MTIF3: variants seen among roughly 807,000 people sequenced by gnomAD.
MTIF3 encodes mitochondrial translational initiation factor 3, also known as translation initiation factor IF-3, mitochondrial.
Under a neutral mutation model 20.7 loss-of-function variants are expected in MTIF3, and 13 were observed. That is an observed-to-expected ratio of 0.63 (90% CI 0.41 to 1.00). MTIF3 has a LOEUF of 1.00. MTIF3 is among the 50% of genes least tolerant of loss of function. MTIF3 has a pLI of 0.00. For synonymous variants in MTIF3, 114 were observed against 112.5 expected (o/e 1.01, Z -0.08); for missense variants, 295 against 324.5 (o/e 0.91, Z 0.70).
At chr13:27,438,357 G>T (rs1242413969) in intron 3 of MTIF3, among the ~76,000 whole-genome samples, 3 of 151,138 alleles carry the variant, frequency 2.0e-5, no homozygotes, top group Non-Finnish European at 4.4e-5. Flanking sequence ...AGGCATGGTG[G>T]TGTGCACCTG....
In MTIF3 at chr13:27,437,222, T is replaced by A. The variant is rs374312833; in HGVS notation, c.512A>T (p.Asp171Val). The A allele has an allele frequency of 3.7e-6, 6 of 1,613,974 alleles. No homozygotes were observed. Among genetic ancestry groups the A allele is most frequent in the Non-Finnish European group, 5.1e-6 (6 of 1,180,028 alleles). Residue 171 changes from aspartate (D) to valine (V), a missense_variant, in exon 4 of 5, where the codon GAT becomes GTT. Coordinates refer to ENST00000381120, the MANE Select transcript of MTIF3 (RefSeq NM_152912.5). The stretch of plus-strand genomic sequence containing the variant: ...AATCTGTTTAGTCTTTGTGTCCAAA[T>A]CATGTTGTCCAATATTTGAAGACAA... ...LILSSNIGQH[D>V]LDTKTKQIQQ...
intron 1 of MTIF3, chr13:27,449,973 G>A (rs1291455720): frequency 6.6e-6 from 1 of 152,280 alleles, no homozygotes; most frequent in South Asian, 2.1e-4. Flanking sequence ...TCCCCCATAA[G>A]GCCTCCTCCC....
At chr13:27,436,810 G>A (rs907626823) in intron 4 of MTIF3, among the ~76,000 whole-genome samples, 12 of 134,450 alleles carry the variant, frequency 8.9e-5, no homozygotes, top group African/African-American at 1.7e-4. Context: ...GGAGTGCAGT[G>A]GCGCGATCTC....
chr13:27,442,500 C>G (rs920549148), intron 2 of MTIF3, among the ~76,000 whole-genome samples: 1 of 152,184 alleles, frequency 6.6e-6, no homozygotes, highest in Non-Finnish European at 1.5e-5. Context: ...TCCTCCTCTG[C>G]CCACACCCTC....
chr13:27,445,325 A>C (rs564771556), intron 1 of MTIF3, among the ~76,000 whole-genome samples, 169 bp from the exon 2 acceptor site: 1 of 152,116 alleles, frequency 6.6e-6, no homozygotes, highest in East Asian at 1.9e-4. Flanking sequence ...ACAAAAAATA[A>C]ATTAGCCAGG....
chr13:27,443,820 G>C (rs1185721582), intron 2 of MTIF3, among the ~76,000 whole-genome samples: 2 of 151,838 alleles, frequency 1.3e-5, no homozygotes, highest in Non-Finnish European at 2.9e-5. Context: ...GAAGACAAAA[G>C]CAATTCATTC....
rs1315569519 is a variant in MTIF3, at chr13:27,450,539, A to G, written c.-101T>C. ...CTGGGGCAAGCGATTGACATACTGT[A>G]GCGGACGCAAGTACAGCGGATCTGC... On this transcript the variant is annotated 5_prime_UTR_variant, in exon 1 of 5. Transcript: ENST00000381120. 1 of 151,916 alleles carries G rather than the reference A, an allele frequency of 6.6e-6. No individual in the cohort carries two copies. Among genetic ancestry groups the G allele is most frequent in the Non-Finnish European group, 1.5e-5 (1 of 68,092 alleles). 9.4% of individuals were successfully genotyped at this position (151,916 alleles called of 1,614,324 possible).
chr13:27,437,603 T>C (rs1336785600), intron 3 of MTIF3, among the ~76,000 whole-genome samples: 1 of 152,198 alleles, frequency 6.6e-6, no homozygotes, highest in African/African-American at 2.4e-5. Flanking sequence ...CAGCTGTGGG[T>C]TGGCATCTGG....
chr13:27,443,294 C>T (rs1378220682), intron 2 of MTIF3, among the ~76,000 whole-genome samples: 1 of 152,142 alleles, frequency 6.6e-6, no homozygotes, highest in Non-Finnish European at 1.5e-5. Flanking sequence ...AATAAAAAGT[C>T]AGATCTTTTG....
Position 27,440,185 on chromosome 13 carries a change from G to C in MTIF3, c.264C>G (p.His88Gln), listed in dbSNP as rs372000146. 6.2e-7 allele frequency: 1 copy of C among 1,614,056 alleles called. No individual in the cohort carries two copies. The highest frequency in any genetic ancestry group is 8.5e-7 in the Non-Finnish European group (1 of 1,180,038). ...VGRKISQRVI[H>Q]LFDEKGNDLG... ...AATCATTGCCCTTCTCATCAAATAAGTGAATAACTCGCTGACTAATTTTTC... is the reference window on the plus strand; with the variant it reads ...AATCATTGCCCTTCTCATCAAATAACTGAATAACTCGCTGACTAATTTTTC... Residue 88 changes from histidine (H) to glutamine (Q), a missense_variant, in exon 3 of 5, where the codon CAC becomes CAG. Transcript: ENST00000381120.
Position 27,435,647 on chromosome 13 carries a change from T to C in MTIF3, c.*28A>G. On this transcript the variant is annotated 3_prime_UTR_variant, in exon 5 of 5. Coordinates refer to ENST00000381120, the MANE Select transcript of MTIF3 (RefSeq NM_152912.5). Reference sequence around the variant, plus strand: ...ACTGCAGACCAAGGAGCGAGCTTTCTCTCAGAGCATGCTTTTCTTTATTAA... The same window carrying C: ...ACTGCAGACCAAGGAGCGAGCTTTCCCTCAGAGCATGCTTTTCTTTATTAA... 1 of 1,612,678 alleles carries C rather than the reference T, an allele frequency of 6.2e-7. No homozygotes were observed. Among genetic ancestry groups the C allele is most frequent in the Non-Finnish European group, 8.5e-7 (1 of 1,178,906 alleles).
rs532650746 is a variant in MTIF3, at chr13:27,443,065, C to T, written c.-2+2023G>A. On this transcript the variant is annotated intron_variant, in intron 2 of 4. Transcript: ENST00000381120. ...TGCTGGCATTTAACCTCTACACCTT[C>T]GGATGTGTCACGAATGCCTACAAAC... Among the ~76,000 whole-genome samples, 24 of 152,344 alleles carry T rather than the reference C, an allele frequency of 1.6e-4. No individual in the cohort carries two copies. The South Asian group carries it at 3.9e-3, about 25-fold the overall frequency.
At chr13:27,442,872 A>T (rs954291250) in intron 2 of MTIF3, among the ~76,000 whole-genome samples, 27 of 152,204 alleles carry the variant, frequency 1.8e-4, no homozygotes, top group Admixed American at 9.8e-4. Context: ...ATTTGCATAT[A>T]TGTTCATAAT....
chr13:27,445,527 T>C (rs1436918505), intron 1 of MTIF3, among the ~76,000 whole-genome samples: 4 of 151,624 alleles, frequency 2.6e-5, no homozygotes, highest in Admixed American at 6.6e-5. Flanking sequence ...AAACTACTGA[T>C]TCAGGCAGGA....
At chr13:27,438,483 GTTTTTTTTT>G (rs61052475) in intron 3 of MTIF3, among the ~76,000 whole-genome samples, 3,179 of 107,122 alleles carry the variant, frequency 0.03, 113 homozygotes, top group Admixed American at 0.076. Flanking sequence ...GAGCAAGACT[GTTTTTTTTT>G]TTTTTTTTTT....
At chr13:27,437,314 C>G in intron 3 of MTIF3, 41 bp from the exon 4 acceptor site, 1 of 1,559,062 alleles carries the variant, frequency 6.4e-7, no homozygotes, top group Non-Finnish European at 8.7e-7. Flanking sequence ...ACTGACTAGT[C>G]CACTGTGAAC....
At chr13:27,438,304 C>T (rs1234027822) in intron 3 of MTIF3, among the ~76,000 whole-genome samples, 1 of 113,544 alleles carries the variant, frequency 8.8e-6, no homozygotes, top group Non-Finnish European at 1.7e-5. Flanking sequence ...AGCAACATAG[C>T]GAGACCCCAT....
Position 27,440,339 on chromosome 13 carries a change from A to T in MTIF3, c.110T>A (p.Leu37Ter). The change falls in exon 3 of 5, where the codon TTG (leucine) becomes TAG (stop). Residue 37 changes from leucine (L) to a stop codon, truncating the protein, a stop_gained. Transcript: ENST00000381120. LOFTEE classifies it high-confidence loss of function. ...HILQKTAPAQ[L>*]SPIASAPRLS... ...TCTTGGGGCAGAAGCAATAGGGGACAACTGTGCTGGTGCTGTCTTTTGCAG... is the reference window on the plus strand; with the variant it reads ...TCTTGGGGCAGAAGCAATAGGGGACTACTGTGCTGGTGCTGTCTTTTGCAG... 6.2e-7 allele frequency: 1 copy of T among 1,614,206 alleles called. No individual in the cohort carries two copies. Among genetic ancestry groups the T allele is most frequent in the Non-Finnish European group, 8.5e-7 (1 of 1,180,032 alleles).
At chr13:27,447,324 G>A (rs1954213970) in intron 1 of MTIF3, among the ~76,000 whole-genome samples, 1 of 151,686 alleles carries the variant, frequency 6.6e-6, no homozygotes, top group African/African-American at 2.4e-5. Flanking sequence ...ATAAAAATAG[G>A]AAGCCATGTT....
Sources: allele counts gnomAD v4.1 joint callset (sites outside exome capture counted in the v4.1 genomes callset), GRCh38; gene constraint gnomAD v4.1.1; transcripts MANE v1.5; gene names NCBI Gene and HGNC (gene_info 2026-07-23, HGNC 2026-07-21).